ALPK1: variants seen among roughly 807,000 people sequenced by gnomAD.
The protein encoded by ALPK1 is alpha kinase 1.
Under a neutral mutation model 120.6 loss-of-function variants are expected in ALPK1, and 110 were observed. That is an observed-to-expected ratio of 0.91 (90% CI 0.78 to 1.07). The LOEUF (loss-of-function observed/expected upper bound fraction) is 1.07. Ranked by LOEUF, ALPK1 falls within the 50% of genes least tolerant of loss-of-function variation. The pLI is 0.00. For missense variants in ALPK1, 1,498 were observed against 1,483.9 expected (o/e 1.01, Z -0.16); for synonymous variants, 582 against 560.3 (o/e 1.04, Z -0.55).
intron 2 of ALPK1, among the ~76,000 whole-genome samples, chr4:112,362,870 A>G (rs930503784): frequency 6.6e-6 from 1 of 152,230 alleles, no homozygotes; most frequent in Non-Finnish European, 1.5e-5. Context: ...AAAACTTATC[A>G]GATTAACAGC....
chr4:112,358,615 A>G, intron 2 of ALPK1: 1 of 723,064 alleles, frequency 1.4e-6, no homozygotes, highest in Non-Finnish European at 2.5e-6. Context: ...AGCACAGCGA[A>G]CAGTGGGCTG....
chr4:112,312,889 C>G (rs530504126), intron 1 of ALPK1, among the ~76,000 whole-genome samples: 2 of 152,152 alleles, frequency 1.3e-5, no homozygotes, highest in African/African-American at 4.8e-5. Flanking sequence ...TGAAAGTGAA[C>G]GGGAGGAAAC....
intron 4 of ALPK1, among the ~76,000 whole-genome samples, chr4:112,406,690 GA>G (rs1733189370): frequency 6.6e-6 from 1 of 152,072 alleles, no homozygotes; most frequent in South Asian, 2.1e-4. Context: ...ATAAAACCTA[GA>G]AATATTACTC....
chr4:112,438,399 A>G (rs1387223199), intron 12 of ALPK1, 85 bp from the exon 13 acceptor site: 6 of 1,253,298 alleles, frequency 4.8e-6, no homozygotes, highest in Middle Eastern at 1.9e-4. Context: ...GCATTTCTGC[A>G]TATGTCTTTT....
intron 2 of ALPK1, among the ~76,000 whole-genome samples, chr4:112,325,414 C>T (rs963883498): frequency 7.9e-5 from 12 of 152,122 alleles, no homozygotes; most frequent in East Asian, 7.7e-4. Flanking sequence ...AATGAAATAT[C>T]GTATCCTCTC....
At chr4:112,370,793 G>A (rs60842497) in intron 2 of ALPK1, among the ~76,000 whole-genome samples, 2,383 of 152,294 alleles carry the variant, frequency 0.016, 46 homozygotes, top group African/African-American at 0.052. Context: ...TATGAAGAAT[G>A]TCTTCAGTAC....
intron 2 of ALPK1, among the ~76,000 whole-genome samples, chr4:112,323,624 T>C (rs113095889): frequency 0.013 from 1,960 of 152,270 alleles, 30 homozygotes; most frequent in African/African-American, 0.044. Flanking sequence ...GTATGTCAAA[T>C]AAAGTTGCCA....
chr4:112,407,814 GA>G (rs1261694160), intron 4 of ALPK1, among the ~76,000 whole-genome samples: 6 of 152,280 alleles, frequency 3.9e-5, no homozygotes, highest in Admixed American at 3.3e-4. Flanking sequence ...ACACTAGTAA[GA>G]ATGGAGAGCA....
intron 2 of ALPK1, among the ~76,000 whole-genome samples, chr4:112,327,758 T>A (rs1329405313): frequency 6.6e-6 from 1 of 152,220 alleles, no homozygotes; most frequent in Non-Finnish European, 1.5e-5. Flanking sequence ...AGTGTGATAC[T>A]TTTATGTTAA....
At chr4:112,300,962 T>A (rs936080414) in intron 1 of ALPK1, among the ~76,000 whole-genome samples, 6 of 152,170 alleles carry the variant, frequency 3.9e-5, no homozygotes, top group African/African-American at 1.4e-4. Context: ...GCATTCTCCA[T>A]CAGTGCATAA....
Position 112,425,728 on chromosome 4 carries a change from G to A in ALPK1, c.599G>A (p.Arg200Lys), listed in dbSNP as rs1166362996. Residue 200 changes from arginine (R) to lysine (K), a missense_variant, in exon 7 of 16, where the codon AGA becomes AAA. Arg to Lys is a conservative substitution (Grantham distance 26, BLOSUM62 2). Transcript: ENST00000650871. ...VLVQSVCIQI[R>K]GQILQKLGMW... Reference sequence around the variant, plus strand: ...GTGCAGTCGGTCTGTATACAGATCAGAGGGCAGATTCTGCAAAAGCTGGGT... The same window carrying A: ...GTGCAGTCGGTCTGTATACAGATCAAAGGGCAGATTCTGCAAAAGCTGGGT... 6.2e-7 allele frequency: 1 copy of A among 1,612,004 alleles called. No homozygotes were observed. The highest frequency in any genetic ancestry group is 1.7e-5 in the Admixed American group (1 of 59,936).
chr4:112,359,825 C>A, intron 2 of ALPK1: 2 of 384,922 alleles, frequency 5.2e-6, no homozygotes, highest in Non-Finnish European at 1.0e-5. Context: ...AGTGGGTGCC[C>A]ATGGAGGCCC....
intron 2 of ALPK1, among the ~76,000 whole-genome samples, chr4:112,317,248 G>C (rs768314915): frequency 1.3e-5 from 2 of 152,032 alleles, no homozygotes; most frequent in Non-Finnish European, 2.9e-5. Flanking sequence ...TTTTGATGTA[G>C]TCTAATTTAT....
Position 112,426,484 on chromosome 4 carries a change from G to A in ALPK1, c.640G>A (p.Ala214Thr). The A allele has an allele frequency of 6.2e-7, 1 of 1,605,108 alleles. No individual in the cohort carries two copies. The highest frequency in any genetic ancestry group is 1.1e-5 in the South Asian group (1 of 89,590). The change falls in exon 8 of 16, where the codon GCA becomes ACA. Residue 214 changes from alanine (A) to threonine (T), a missense_variant. By Grantham distance (58) the Ala-to-Thr change is moderately conservative. Transcript: ENST00000650871. The stretch of plus-strand genomic sequence containing the variant: ...TTTTTCAGGGATGTGGTACGAAGCA[G>A]CAGAGTTAATATGGGCCTCCATTGT... The part of the protein sequence containing the change: ...LQKLGMWYEA[A>T]ELIWASIVGY...
chr4:112,305,357 C>T (rs546290057), intron 1 of ALPK1, among the ~76,000 whole-genome samples: 29 of 151,742 alleles, frequency 1.9e-4, no homozygotes, highest in South Asian at 4.2e-4. Context: ...GCCATTTTCA[C>T]GATATTGATT....
intron 1 of ALPK1, among the ~76,000 whole-genome samples, chr4:112,310,535 A>G (rs1249581667): frequency 6.6e-6 from 1 of 152,112 alleles, no homozygotes; most frequent in Admixed American, 6.6e-5. Flanking sequence ...TTATTTAAAA[A>G]CAAGACTTTA....
chr4:112,357,649 A>G (rs1730697740), intron 2 of ALPK1: 4 of 1,608,426 alleles, frequency 2.5e-6, no homozygotes, highest in African/African-American at 1.3e-5. Context: ...CAAGCACCAG[A>G]TCTGGGTGGG....
At chr4:112,310,512 T>C (rs979820235) in intron 1 of ALPK1, among the ~76,000 whole-genome samples, 1 of 152,148 alleles carries the variant, frequency 6.6e-6, no homozygotes, top group African/African-American at 2.4e-5. Flanking sequence ...GTTTTTGCTC[T>C]TGTTCTATCA....
chr4:112,352,691 A>T (rs1019724553), intron 2 of ALPK1: 15 of 152,210 alleles, frequency 9.9e-5, no homozygotes, highest in African/African-American at 3.4e-4. Flanking sequence ...AAATGCACAG[A>T]TACAAAAGGC....
Sources: gnomAD v4.1 joint callset for allele counts (sites outside exome capture counted in the v4.1 genomes callset) on GRCh38, gnomAD v4.1.1 for gene constraint, MANE v1.5 for transcripts, NCBI Gene and HGNC (gene_info 2026-07-23, HGNC 2026-07-21) for gene names.